The following C9orf85 variants were observed in gnomAD, a reference collection of about 807,000 sequenced individuals.
C9orf85 encodes uncharacterized protein C9orf85.
C9orf85 carries 16 observed loss-of-function variants against 14.9 expected under a neutral mutation model. The ratio of observed to expected loss-of-function variants is 1.08; its 90% CI spans 0.73 to 1.63. The LOEUF is 1.63. Ranked by LOEUF, C9orf85 falls within the 40% of genes most tolerant of loss-of-function variation. The pLI is 0.00. For missense variants in C9orf85, 172 were observed against 186.1 expected, an observed-to-expected ratio of 0.92 and a Z score of 0.44; for synonymous variants, 45 against 56.8, an observed-to-expected ratio of 0.79 and a Z score of 0.93.
At chr9:71,952,270 C>G (rs996215109) in intron 2 of C9orf85, among the ~76,000 whole-genome samples, 2 of 152,186 alleles carry the variant, frequency 1.3e-5, no homozygotes, top group African/African-American at 4.8e-5. Context: ...TTAATTTTTA[C>G]AAATATCACC....
chr9:71,970,313 A>C (rs982655756), intron 2 of C9orf85, among the ~76,000 whole-genome samples: 1 of 152,142 alleles, frequency 6.6e-6, no homozygotes, highest in African/African-American at 2.4e-5. Flanking sequence ...TGTCTTAGAG[A>C]ATGTTCCATG....
At chr9:71,945,818 A>C (rs903297496) in intron 1 of C9orf85, among the ~76,000 whole-genome samples, 2 of 152,194 alleles carry the variant, frequency 1.3e-5, no homozygotes, top group South Asian at 2.1e-4. Flanking sequence ...AAAACAAAAG[A>C]AGCAAAGAAA....
intron 1 of C9orf85, among the ~76,000 whole-genome samples, chr9:71,922,542 C>A (rs1314758629): frequency 6.6e-6 from 1 of 152,162 alleles, no homozygotes; most frequent in Non-Finnish European, 1.5e-5. Flanking sequence ...CATGTAGAAC[C>A]ATTTCTCCCA....
chr9:71,918,135 A>G (rs909929606), intron 1 of C9orf85, among the ~76,000 whole-genome samples: 1 of 152,192 alleles, frequency 6.6e-6, no homozygotes, highest in African/African-American at 2.4e-5. Flanking sequence ...GTGAGCTGAG[A>G]TCGTGCCACT....
At chr9:71,914,970 T>G (rs191052885) in intron 1 of C9orf85, among the ~76,000 whole-genome samples, 7 of 152,242 alleles carry the variant, frequency 4.6e-5, no homozygotes, top group African/African-American at 1.7e-4. Flanking sequence ...CAGCCTTCTT[T>G]CCCTTACTGG....
In C9orf85 at chr9:71,947,115, G is replaced by C. The variant is rs771314292; in HGVS notation, c.209+3G>C. The C allele has an allele frequency of 6.3e-7, 1 of 1,592,412 alleles. No homozygotes were observed. The highest frequency in any genetic ancestry group is 8.6e-7 in the Non-Finnish European group (1 of 1,161,860). On this transcript the variant is annotated splice_donor_region_variant and intron_variant, in intron 2 of 3. Transcript: ENST00000334731. ...CCATTATCAAAACCTAAAAAGTGGTGAGTTAAGATTCTTCATTACCTTACT... is the reference window on the plus strand; with the variant it reads ...CCATTATCAAAACCTAAAAAGTGGTCAGTTAAGATTCTTCATTACCTTACT...
At chr9:71,945,799 T>C (rs1822072620) in intron 1 of C9orf85, among the ~76,000 whole-genome samples, 2 of 152,160 alleles carry the variant, frequency 1.3e-5, no homozygotes, top group African/African-American at 4.8e-5. Context: ...CCTTGAGAAA[T>C]TTTAAAAGAA....
chr9:71,982,476 G>T (rs370780857), intron 3 of C9orf85, among the ~76,000 whole-genome samples: 2 of 152,202 alleles, frequency 1.3e-5, no homozygotes, highest in East Asian at 3.9e-4. Context: ...CAAACTTGTG[G>T]TAATAGCTGC....
intron 2 of C9orf85, among the ~76,000 whole-genome samples, chr9:71,952,503 T>C (rs1050446575): frequency 1.3e-5 from 2 of 152,182 alleles, no homozygotes; most frequent in Non-Finnish European, 2.9e-5. Flanking sequence ...TAGCTGGGAC[T>C]ACAGACGCCC....
chr9:71,978,267 G>A (rs367762921), downstream of C9orf85, among the ~76,000 whole-genome samples: 16 of 152,114 alleles, frequency 1.1e-4, 1 homozygote, highest in Admixed American at 5.2e-4. Context: ...CCGCCACCAT[G>A]CCCAGCTAAT....
At chr9:71,975,838 A>C (rs1027818370), downstream of C9orf85, among the ~76,000 whole-genome samples, 1 of 152,222 alleles carries the variant, frequency 6.6e-6, no homozygotes, top group African/African-American at 2.4e-5. Flanking sequence ...GTCTCAAAAG[A>C]AATAAATTTT....
At chr9:71,952,185 C>T (rs1822260756) in intron 2 of C9orf85, among the ~76,000 whole-genome samples, 1 of 152,142 alleles carries the variant, frequency 6.6e-6, no homozygotes, top group Admixed American at 6.5e-5. Flanking sequence ...TTCCTTTTCT[C>T]TCAGTGATTT....
chr9:71,929,025 A>G (rs1369890620), intron 1 of C9orf85, among the ~76,000 whole-genome samples: 2 of 152,130 alleles, frequency 1.3e-5, no homozygotes, highest in African/African-American at 2.4e-5. Flanking sequence ...TCTTGAATTC[A>G]TTGTTACCAT....
chr9:71,915,077 G>A (rs987636960), intron 1 of C9orf85, among the ~76,000 whole-genome samples: 2 of 152,030 alleles, frequency 1.3e-5, no homozygotes, highest in Non-Finnish European at 2.9e-5. Context: ...ATGATGTCAG[G>A]CAATTTACCT....
At chr9:71,925,934 G>A (rs369434037) in intron 1 of C9orf85, among the ~76,000 whole-genome samples, 4 of 152,156 alleles carry the variant, frequency 2.6e-5, no homozygotes, top group African/African-American at 9.7e-5. Flanking sequence ...CTAGAATAAT[G>A]CCAAGATAGA....
At chr9:71,964,572 C>A (rs1380789427) in intron 2 of C9orf85, among the ~76,000 whole-genome samples, 1 of 151,886 alleles carries the variant, frequency 6.6e-6, no homozygotes, top group Non-Finnish European at 1.5e-5. Flanking sequence ...CTTGAGCCAG[C>A]GAGACCACGA....
chr9:71,960,913 G>GTTTTT (rs111315320), intron 2 of C9orf85, among the ~76,000 whole-genome samples: 3 of 124,604 alleles, frequency 2.4e-5, no homozygotes, highest in African/African-American at 5.8e-5. Context: ...GTTCCAAATT[G>GTTTTT]TTTTTTTTTT....
intron 1 of C9orf85, among the ~76,000 whole-genome samples, chr9:71,921,124 C>G (rs1363360585): frequency 1.3e-5 from 2 of 152,168 alleles, no homozygotes; most frequent in African/African-American, 4.8e-5. Context: ...TGACAGATAG[C>G]AGGCCCTGAA....
intron 2 of C9orf85, among the ~76,000 whole-genome samples, chr9:71,960,541 A>G (rs1044500275): frequency 1.3e-5 from 2 of 152,194 alleles, no homozygotes; most frequent in African/African-American, 4.8e-5. Context: ...TTATCAAACA[A>G]AAGTAAACAG....
Sources: gnomAD v4.1 joint callset for allele counts (sites outside exome capture counted in the v4.1 genomes callset) on GRCh38, gnomAD v4.1.1 for gene constraint, MANE v1.5 for transcripts, NCBI Gene and HGNC (gene_info 2026-07-23, HGNC 2026-07-21) for gene names.